TAFA4: variants seen among roughly 807,000 people sequenced by gnomAD.
TAFA4 encodes TAFA chemokine like family member 4, also known as chemokine-like protein TAFA-4.
A neutral mutation model predicts 21.1 loss-of-function variants in TAFA4; 20 were observed. The observed-to-expected ratio is 0.95, with a 90% CI of 0.67 to 1.38. TAFA4 has a LOEUF of 1.38. TAFA4 is among the 40% of genes most tolerant of loss of function. The pLI, the probability that TAFA4 is intolerant of heterozygous loss-of-function variation, is 0.00. For missense variants in TAFA4, 211 were observed against 180.9 expected (o/e 1.17, Z -0.95); for synonymous variants, 71 against 67.4 (o/e 1.05, Z -0.26).
intron 3 of TAFA4, among the ~76,000 whole-genome samples, chr3:68,874,717 G>C (rs1233383028): frequency 6.6e-6 from 1 of 152,022 alleles, no homozygotes; most frequent in Admixed American, 6.6e-5. Flanking sequence ...TGCCAAGTAG[G>C]ATGGCTCACA....
At chr3:68,830,398 C>T (rs1425588327) in intron 3 of TAFA4, among the ~76,000 whole-genome samples, 2 of 152,194 alleles carry the variant, frequency 1.3e-5, no homozygotes, top group Admixed American at 6.5e-5. Flanking sequence ...TCTTTGTTCT[C>T]ATTGGTTTCA....
intron 3 of TAFA4, among the ~76,000 whole-genome samples, chr3:68,847,804 A>T (rs1364200039): frequency 6.6e-6 from 1 of 152,178 alleles, no homozygotes; most frequent in African/African-American, 2.4e-5. Flanking sequence ...AAATCCATGG[A>T]AATTTCTCAG....
intron 3 of TAFA4, among the ~76,000 whole-genome samples, chr3:68,836,785 G>A (rs1170477802): frequency 2.0e-5 from 3 of 150,248 alleles, no homozygotes; most frequent in Non-Finnish European, 4.4e-5. Flanking sequence ...GGAGTCCAGG[G>A]GTCAGGGTTC....
chr3:68,843,005 CT>C (rs1213920859), intron 3 of TAFA4, among the ~76,000 whole-genome samples: 2 of 152,136 alleles, frequency 1.3e-5, no homozygotes, highest in African/African-American at 4.8e-5. Context: ...TTAGGATTGT[CT>C]TGGCTATATG....
At chr3:68,769,424 C>T (rs1008338758) in intron 3 of TAFA4, among the ~76,000 whole-genome samples, 2 of 152,160 alleles carry the variant, frequency 1.3e-5, no homozygotes, top group Non-Finnish European at 2.9e-5. Context: ...CCAAACCATC[C>T]TCCCATCCCA....
At chr3:68,919,946 C>T (rs1396237247) in intron 1 of TAFA4, among the ~76,000 whole-genome samples, 3 of 152,142 alleles carry the variant, frequency 2.0e-5, no homozygotes, top group Non-Finnish European at 4.4e-5. Flanking sequence ...TACACTTCTA[C>T]CCTAGAAAAA....
intron 3 of TAFA4, among the ~76,000 whole-genome samples, chr3:68,772,177 G>A (rs1165795192): frequency 2.0e-5 from 3 of 152,174 alleles, no homozygotes; most frequent in Admixed American, 6.5e-5. Flanking sequence ...CACGTTCAAC[G>A]AAGAGCCTTG....
intron 3 of TAFA4, among the ~76,000 whole-genome samples, chr3:68,820,869 A>C (rs1487610532): frequency 1.3e-5 from 2 of 152,186 alleles, no homozygotes; most frequent in Non-Finnish European, 2.9e-5. Context: ...GTCTCATGTT[A>C]TGCACAAAAT....
intron 3 of TAFA4, among the ~76,000 whole-genome samples, chr3:68,756,743 C>T (rs1702666637): frequency 6.6e-6 from 1 of 152,158 alleles, no homozygotes; most frequent in Admixed American, 6.5e-5. Context: ...CTTAAGAAAG[C>T]ATGAATATGG....
At chr3:68,880,624 C>T in intron 3 of TAFA4, 106 bp downstream of exon 3, 5 of 862,776 alleles carry the variant, frequency 5.8e-6, no homozygotes, top group Non-Finnish European at 9.5e-6. Flanking sequence ...TAGTTATTTA[C>T]ACACCATCAG....
intron 1 of TAFA4, among the ~76,000 whole-genome samples, chr3:68,917,279 G>T (rs773334446): frequency 2.0e-5 from 3 of 152,112 alleles, no homozygotes; most frequent in Non-Finnish European, 4.4e-5. Context: ...TCCTCATCAG[G>T]TTAATGTAAT....
At chr3:68,850,561 T>C (rs987348791) in intron 3 of TAFA4, among the ~76,000 whole-genome samples, 1 of 152,208 alleles carries the variant, frequency 6.6e-6, no homozygotes, top group African/African-American at 2.4e-5. Flanking sequence ...CATCCGTTTC[T>C]TTACTTTTCA....
chr3:68,830,092 G>A (rs1167296362), intron 3 of TAFA4, among the ~76,000 whole-genome samples: 3 of 151,920 alleles, frequency 2.0e-5, no homozygotes, highest in Non-Finnish European at 4.4e-5. Flanking sequence ...TTCTTTATTA[G>A]TCTTGCTAAC....
intron 3 of TAFA4, among the ~76,000 whole-genome samples, chr3:68,839,085 G>T (rs181164483): frequency 6.6e-6 from 1 of 152,298 alleles, no homozygotes; most frequent in East Asian, 1.9e-4. Context: ...GAGACAGAGC[G>T]AGACCTTGTC....
intron 3 of TAFA4, among the ~76,000 whole-genome samples, chr3:68,877,525 A>C (rs909227111): frequency 6.6e-6 from 1 of 152,112 alleles, no homozygotes; most frequent in Non-Finnish European, 1.5e-5. Context: ...ACTACTTCCC[A>C]ATCAGTGATA....
intron 4 of TAFA4, among the ~76,000 whole-genome samples, chr3:68,748,002 TCTAC>T (rs1367316473): frequency 1.3e-5 from 2 of 152,124 alleles, no homozygotes; most frequent in Non-Finnish European, 2.9e-5. Context: ...ATCATATCCT[TCTAC>T]CTACTAAATT....
At chr3:68,868,879 A>G (rs1192757545) in intron 3 of TAFA4, among the ~76,000 whole-genome samples, 1 of 151,988 alleles carries the variant, frequency 6.6e-6, no homozygotes, top group Non-Finnish European at 1.5e-5. Flanking sequence ...ATGAAATAAT[A>G]CCAGAGCAGA....
At chr3:68,793,602 T>C (rs898503348) in intron 3 of TAFA4, among the ~76,000 whole-genome samples, 2 of 152,228 alleles carry the variant, frequency 1.3e-5, no homozygotes, top group African/African-American at 4.8e-5. Flanking sequence ...CTCTCTCCTG[T>C]AACAGTTAAC....
At chr3:68,872,564 C>G (rs1409008156) in intron 3 of TAFA4, among the ~76,000 whole-genome samples, 1 of 151,984 alleles carries the variant, frequency 6.6e-6, no homozygotes, top group Non-Finnish European at 1.5e-5. Context: ...ACAATATTCC[C>G]AACATAAAGA....
Sources: gnomAD v4.1 joint callset for allele counts (sites outside exome capture counted in the v4.1 genomes callset) on GRCh38, gnomAD v4.1.1 for gene constraint, MANE v1.5 for transcripts, NCBI Gene and HGNC (gene_info 2026-07-23, HGNC 2026-07-21) for gene names.